The following CYRIB variants were observed in gnomAD, a reference collection of about 807,000 sequenced individuals.
The protein encoded by CYRIB is CYFIP related Rac1 interactor B, also known as CYFIP-related Rac1 interactor B.
A neutral mutation model predicts 44.2 loss-of-function variants in CYRIB; 8 were observed. That is an observed-to-expected ratio of 0.18 (90% CI 0.11 to 0.33). The LOEUF is 0.33. Among genes scored for constraint, CYRIB ranks in the 10% least tolerant of loss-of-function variants. The pLI is 1.00. For missense variants in CYRIB, 185 were observed against 382.8 expected, an observed-to-expected ratio of 0.48 and a Z score of 4.31; for synonymous variants, 131 against 127.2, an observed-to-expected ratio of 1.03 and a Z score of -0.20.
At chr8:130,007,925 C>G (rs2097140526) in intron 1 of CYRIB, among the ~76,000 whole-genome samples, 1 of 148,534 alleles carries the variant, frequency 6.7e-6, no homozygotes. Context: ...GAGGGGCTTC[C>G]AGGCCAGGCA....
intron 8 of CYRIB, 169 bp downstream of exon 10, chr8:129,851,993 C>T (rs894262709): frequency 8.4e-5 from 34 of 402,904 alleles, no homozygotes; most frequent in African/African-American, 3.5e-4. Flanking sequence ...ACTGCAAATA[C>T]GTGGACAGGT....
At chr8:129,983,301 G>A (rs1486601009) in intron 1 of CYRIB, among the ~76,000 whole-genome samples, 2 of 151,880 alleles carry the variant, frequency 1.3e-5, no homozygotes, top group East Asian at 1.9e-4. Flanking sequence ...AAAAATTAGC[G>A]AGGCGTGGTG....
rs542909299 is a variant in CYRIB at position 129,999,876 on chromosome 8, G to A, written c.-296+16494C>T. Among the ~76,000 whole-genome samples, 218 of 152,218 alleles carry A rather than the reference G, an allele frequency of 1.4e-3. 1 individual carries two copies. Among genetic ancestry groups the A allele is most frequent in the African/African-American group, 5.0e-3 (209 of 41,538 alleles). On this transcript the variant is annotated intron_variant, in intron 1 of 14. Coordinates refer to the CYRIB transcript ENST00000401979. ...ACTCTTGGGCTCAAGCGATCCTCCC[G>A]CCTCTGCCTCCCAAAGTGTTGGGAT...
At chr8:129,933,605 G>T (rs1222401762) in intron 1 of CYRIB, among the ~76,000 whole-genome samples, 1 of 152,134 alleles carries the variant, frequency 6.6e-6, no homozygotes, top group African/African-American at 2.4e-5. Context: ...GCCGGGTGCG[G>T]TGGCTCGCGC....
At chr8:129,895,994 C>G (rs983532249) in intron 2 of CYRIB, among the ~76,000 whole-genome samples, 6 of 152,112 alleles carry the variant, frequency 3.9e-5, no homozygotes, top group African/African-American at 1.4e-4. Context: ...TGCTGTCAAG[C>G]CTATTTTTAT....
intron 1 of CYRIB, among the ~76,000 whole-genome samples, chr8:129,921,844 C>T (rs2083786341): frequency 6.6e-6 from 1 of 151,886 alleles, no homozygotes; most frequent in Admixed American, 6.6e-5. Context: ...TGAAAAGGAG[C>T]AGGTGTGAAG....
chr8:129,911,214 C>A (rs1314309084), intron 1 of CYRIB, among the ~76,000 whole-genome samples: 2 of 152,186 alleles, frequency 1.3e-5, no homozygotes, highest in Non-Finnish European at 2.9e-5. Context: ...ATATATTTCA[C>A]ATAAGCCTGT....
intron 2 of CYRIB, among the ~76,000 whole-genome samples, chr8:129,898,094 G>GTTT (rs34731759): frequency 1.1e-4 from 16 of 146,784 alleles, no homozygotes; most frequent in Middle Eastern, 3.5e-3. Context: ...AAGTTTTTTT[G>GTTT]TTTTTTTTTT....
chr8:129,943,911 TAA>T (rs545370945), upstream of CYRIB, among the ~76,000 whole-genome samples: 37,647 of 107,486 alleles, frequency 0.35, 6,508 homozygotes, highest in African/African-American at 0.5. Flanking sequence ...GACTCCATCT[TAA>T]AAAAAAAAAA....
Position 129,876,007 on chromosome 8 carries a change from G to C in CYRIB, c.73+3382C>G, listed in dbSNP as rs375101729. Reference sequence around the variant, plus strand: ...TGCATGCCTGTAATCCCAGCTACTCGGGAGGCTGAGGTAGGAGAATCACTT... The same window carrying C: ...TGCATGCCTGTAATCCCAGCTACTCCGGAGGCTGAGGTAGGAGAATCACTT... On this transcript the variant is annotated intron_variant, in intron 3 of 11. Coordinates refer to ENST00000519824, the Ensembl canonical transcript of CYRIB. Among the ~76,000 whole-genome samples the C allele has an allele frequency of 9.8e-4, 149 of 152,088 alleles. No homozygotes were observed. In the South Asian group the frequency reaches 0.031, roughly 32 times the overall value.
intron 1 of CYRIB, among the ~76,000 whole-genome samples, chr8:129,985,302 G>A (rs1465251938): frequency 6.6e-6 from 1 of 152,194 alleles, no homozygotes; most frequent in Non-Finnish European, 1.5e-5. Context: ...GGCAGTAGGT[G>A]CCACTATCCA....
chr8:129,861,409 A>G (rs575755918), intron 5 of CYRIB, among the ~76,000 whole-genome samples: 1 of 152,250 alleles, frequency 6.6e-6, no homozygotes, highest in African/African-American at 2.4e-5. Context: ...ATAACTCCCT[A>G]GACAACTTTG....
At chr8:129,979,095 C>G (rs540310830) in intron 1 of CYRIB, among the ~76,000 whole-genome samples, 26 of 151,882 alleles carry the variant, frequency 1.7e-4, no homozygotes, top group Admixed American at 5.9e-4. Context: ...GAGCGGAGAT[C>G]GTGACACTGC....
chr8:130,000,724 T>C lies in CYRIB; in HGVS notation c.-296+15646A>G, dbSNP rs534361852. ...AATAATAAATAAATAAATATGTCAA[T>C]TTAAATTATCAGCCAGGCACAGTGG... is the stretch of plus-strand genomic sequence containing the variant. On this transcript the variant is annotated intron_variant, in intron 1 of 14. Coordinates refer to the CYRIB transcript ENST00000401979. Among the ~76,000 whole-genome samples the C allele has an allele frequency of 1.3e-4, 19 of 151,544 alleles. No individual in the cohort carries two copies. In the South Asian group the frequency reaches 3.8e-3, roughly 30 times the overall value.
upstream of CYRIB, chr8:130,016,678 C>A (rs1432499698): frequency 6.7e-6 from 1 of 149,126 alleles, no homozygotes; most frequent in Non-Finnish European, 1.5e-5. Context: ...TCCCCCCGCG[C>A]CCAGTCCCCG....
chr8:129,982,719 C>T (rs911143672), intron 1 of CYRIB, among the ~76,000 whole-genome samples: 2 of 152,148 alleles, frequency 1.3e-5, no homozygotes, highest in African/African-American at 2.4e-5. Context: ...TGTCCAAATG[C>T]GAGAAAAATC....
At chr8:129,928,216 G>A (rs1471115665) in intron 1 of CYRIB, among the ~76,000 whole-genome samples, 1 of 151,408 alleles carries the variant, frequency 6.6e-6, no homozygotes, top group African/African-American at 2.4e-5. Context: ...GCACACGTCT[G>A]TAGCATCAGT....
At chr8:129,950,664 A>C (rs1278942338) in intron 2 of CYRIB, among the ~76,000 whole-genome samples, 1 of 152,146 alleles carries the variant, frequency 6.6e-6, no homozygotes, top group Non-Finnish European at 1.5e-5. Context: ...AAAATTTAAG[A>C]GCTCAGTAAA....
chr8:129,931,374 T>G (rs1163218075), intron 1 of CYRIB, among the ~76,000 whole-genome samples: 3 of 152,234 alleles, frequency 2.0e-5, no homozygotes, highest in Non-Finnish European at 4.4e-5. Context: ...CATCCCAAGA[T>G]GGTTTTCTCA....
Sources: allele counts gnomAD v4.1 joint callset (sites outside exome capture counted in the v4.1 genomes callset), GRCh38; gene constraint gnomAD v4.1.1; transcripts MANE v1.5; gene names NCBI Gene and HGNC (gene_info 2026-07-23, HGNC 2026-07-21).